KLF8: variants seen among roughly 807,000 people sequenced by gnomAD.
KLF8 encodes Krueppel-like factor 8.
In KLF8, 10 loss-of-function variants were observed where a neutral mutation model predicts 18.2. The observed-to-expected ratio is 0.55, with a 90% confidence interval of 0.34 to 0.93. The LOEUF (loss-of-function observed/expected upper bound fraction) is 0.93, where lower values mean the gene tolerates loss of function less well. Among genes scored for constraint, KLF8 ranks in the 40% least tolerant of loss-of-function variants. The pLI is 0.02. For synonymous variants in KLF8, 109 were observed against 97.3 expected (o/e 1.12, Z -0.71); for missense variants, 264 against 277.9 (o/e 0.95, Z 0.36).
At chrX:56,230,909 A>G (rs149578601), upstream of KLF8, among the ~76,000 whole-genome samples, 1,210 of 111,140 alleles carry the variant, frequency 0.011, 20 homozygotes, top group Admixed American at 0.056. Flanking sequence ...TTTTGCCTGA[A>G]GAAATTAAGT....
chrX:55,947,129 A>G, the KLF8 span, among the ~76,000 whole-genome samples: 1 of 111,214 alleles, frequency 9.0e-6, no homozygotes, highest in Admixed American at 9.6e-5. Flanking sequence ...CAGCCATCCC[A>G]TTACTGAGTA....
At chrX:56,131,403 A>T in the KLF8 span, among the ~76,000 whole-genome samples, 5 of 111,691 alleles carry the variant, frequency 4.5e-5, no homozygotes, top group Admixed American at 3.8e-4. Context: ...TTCATAAATG[A>T]AGGAAAGATA....
At chrX:56,055,745 A>T in the KLF8 span, among the ~76,000 whole-genome samples, 2 of 111,726 alleles carry the variant, frequency 1.8e-5, no homozygotes, top group Non-Finnish European at 1.9e-5. Flanking sequence ...CATATTTGTC[A>T]GAGGTTTTGT....
the KLF8 span, among the ~76,000 whole-genome samples, chrX:56,076,172 G>A: frequency 1.9e-5 from 2 of 107,616 alleles, no homozygotes; most frequent in African/African-American, 3.4e-5. Flanking sequence ...GAAGTTTTAC[G>A]GTACATGTGT....
At chrX:56,117,846 C>G in the KLF8 span, among the ~76,000 whole-genome samples, 1 of 111,669 alleles carries the variant, frequency 9.0e-6, no homozygotes, top group South Asian at 3.8e-4. Context: ...GCTGCTAGGA[C>G]AAAGTACCAT....
At chrX:55,919,219 A>T in the KLF8 span, among the ~76,000 whole-genome samples, 360 of 111,993 alleles carry the variant, frequency 3.2e-3, 3 homozygotes, top group African/African-American at 0.011. Flanking sequence ...CTCCCAAAAT[A>T]CAATGGAGTT....
the KLF8 span, among the ~76,000 whole-genome samples, chrX:56,125,580 G>A: frequency 8.9e-6 from 1 of 112,082 alleles, no homozygotes; most frequent in African/African-American, 3.2e-5. Context: ...CTTATGAGAA[G>A]GTGTTTCCCT....
At chrX:56,161,106 A>G in the KLF8 span, among the ~76,000 whole-genome samples, 2 of 111,132 alleles carry the variant, frequency 1.8e-5, no homozygotes, top group Non-Finnish European at 3.8e-5. Context: ...ATCTCTGAAC[A>G]TTTGCTCGTC....
the KLF8 span, among the ~76,000 whole-genome samples, chrX:56,156,268 G>A: frequency 8.9e-6 from 1 of 112,053 alleles, no homozygotes; most frequent in East Asian, 2.8e-4. Context: ...AGGGGTACAA[G>A]TGCAGGTTTG....
rs188837889 is a variant in KLF8 at position 56,290,836 on chromosome X, C to G, written c.*6342C>G. The stretch of plus-strand genomic sequence containing the variant: ...AGTGGCAGGATATTTCTCTGTTTTC[C>G]AAACACTGGTTTTAATTTCCATTTC... On this transcript the variant is annotated 3_prime_UTR_variant, in exon 6 of 6. Coordinates refer to ENST00000468660, the MANE Select transcript of KLF8 (RefSeq NM_007250.5). Among the ~76,000 whole-genome samples, 272 of 111,554 alleles carry G rather than the reference C, an allele frequency of 2.4e-3. 2 individuals carry two copies. The highest frequency in any genetic ancestry group is 8.5e-3 in the African/African-American group (260 of 30,744).
chrX:56,088,346 A>T, the KLF8 span, among the ~76,000 whole-genome samples: 1 of 110,929 alleles, frequency 9.0e-6, no homozygotes, highest in African/African-American at 3.3e-5. Context: ...ATTATAAAGG[A>T]GGTGTGAAAA....
chrX:56,283,358 A>G (rs2067225750), intron 5 of KLF8, among the ~76,000 whole-genome samples: 1 of 111,166 alleles, frequency 9.0e-6, no homozygotes, highest in South Asian at 3.8e-4. Context: ...CTGTGTATAT[A>G]TGGCTCTATT....
chrX:56,291,010 A>G lies in KLF8; in HGVS notation c.*6516A>G, dbSNP rs1482917036. Among the ~76,000 whole-genome samples, 1 of 111,041 alleles carries G rather than the reference A, an allele frequency of 9.0e-6. No homozygotes were observed. Among genetic ancestry groups the G allele is most frequent in the Non-Finnish European group, 1.9e-5 (1 of 52,945 alleles). ...TATGCCATGCTGTTTTCATTGTATC[A>G]CAGAATTAAAAGGGGAAGAGAGTTC... On this transcript the variant is annotated 3_prime_UTR_variant, in exon 6 of 6. Transcript: ENST00000468660.
At chrX:56,121,180 C>T in the KLF8 span, among the ~76,000 whole-genome samples, 5 of 83,848 alleles carry the variant, frequency 6.0e-5, no homozygotes, top group South Asian at 5.4e-4. Context: ...AGCGAGACTC[C>T]GTCTCAAAAA....
chrX:56,188,051 G>T, the KLF8 span, among the ~76,000 whole-genome samples: 2 of 110,826 alleles, frequency 1.8e-5, no homozygotes, highest in African/African-American at 6.6e-5. Flanking sequence ...AGGAAATAAA[G>T]GGTATTCAAT....
At chrX:56,095,405 G>A in the KLF8 span, among the ~76,000 whole-genome samples, 1 of 112,425 alleles carries the variant, frequency 8.9e-6, no homozygotes, top group African/African-American at 3.2e-5. Flanking sequence ...TTGGACATTG[G>A]CCTATGCCAA....
the KLF8 span, among the ~76,000 whole-genome samples, chrX:56,050,889 A>T: frequency 1.8e-5 from 2 of 108,424 alleles, no homozygotes; most frequent in Non-Finnish European, 3.8e-5. Context: ...CCCATTATTA[A>T]TGTGTGGGAG....
chrX:56,193,862 T>C, the KLF8 span, among the ~76,000 whole-genome samples: 1 of 111,055 alleles, frequency 9.0e-6, no homozygotes, highest in African/African-American at 3.3e-5. Context: ...GCTTAATTGG[T>C]GCAAAAAAAA....
the KLF8 span, among the ~76,000 whole-genome samples, chrX:56,037,442 A>C: frequency 9.0e-6 from 1 of 111,455 alleles, no homozygotes. Flanking sequence ...AATTAGGAAG[A>C]ATTCTCTGTG....
Sources: gnomAD v4.1 joint callset for allele counts (sites outside exome capture counted in the v4.1 genomes callset) on GRCh38, gnomAD v4.1.1 for gene constraint, MANE v1.5 for transcripts, NCBI Gene and HGNC (gene_info 2026-07-23, HGNC 2026-07-21) for gene names.